The following ADAMTSL1 variants were observed in gnomAD, a reference collection of about 807,000 sequenced individuals.
ADAMTSL1 encodes ADAMTS-like protein 1.
Under a neutral mutation model 201.8 loss-of-function variants are expected in ADAMTSL1, and 126 were observed. The observed-to-expected ratio is 0.62, with a 90% CI of 0.54 to 0.72. The LOEUF (loss-of-function observed/expected upper bound fraction) is 0.72. Among genes scored for constraint, ADAMTSL1 ranks in the 30% least tolerant of loss-of-function variants. The probability of loss-of-function intolerance (pLI) is 0.00; values close to 1 mark genes in which losing one functional copy is unlikely to be tolerated. For missense variants in ADAMTSL1, 2,679 were observed against 2,277.8 expected, an observed-to-expected ratio of 1.18 and a Z score of -3.59; for synonymous variants, 1,121 against 903.4, an observed-to-expected ratio of 1.24 and a Z score of -4.32.
intron 2 of ADAMTSL1, among the ~76,000 whole-genome samples, chr9:18,237,884 A>G (rs1830911021): frequency 6.6e-6 from 1 of 152,236 alleles, no homozygotes; most frequent in South Asian, 2.1e-4. Context: ...GTTTCTCTAA[A>G]AATCATGATT....
intron 1 of ADAMTSL1, among the ~76,000 whole-genome samples, chr9:17,913,006 C>T (rs1385177025): frequency 8.6e-5 from 13 of 152,024 alleles, no homozygotes; most frequent in Admixed American, 1.3e-4. Context: ...AGATATGTGG[C>T]GTTATTTCTG....
intron 15 of ADAMTSL1, among the ~76,000 whole-genome samples, chr9:18,722,338 A>C (rs950988127): frequency 7.9e-5 from 12 of 152,118 alleles, no homozygotes; most frequent in African/African-American, 2.7e-4. Flanking sequence ...AATCTCATCT[A>C]TGGGTTTGGA....
intron 15 of ADAMTSL1, among the ~76,000 whole-genome samples, chr9:18,728,658 G>A (rs1172089611): frequency 6.6e-6 from 1 of 152,216 alleles, no homozygotes. Flanking sequence ...AAGGCTTCCT[G>A]GAGGAGGCAA....
At chr9:18,408,393 C>T (rs1030364961) in intron 2 of ADAMTSL1, among the ~76,000 whole-genome samples, 6 of 152,064 alleles carry the variant, frequency 3.9e-5, no homozygotes, top group African/African-American at 1.4e-4. Flanking sequence ...ATTGCTTGAA[C>T]CCAGGAGACA....
chr9:18,771,682 A>G (rs574521816), intron 17 of ADAMTSL1, among the ~76,000 whole-genome samples: 1 of 136,656 alleles, frequency 7.3e-6, no homozygotes, highest in South Asian at 2.5e-4. Flanking sequence ...AAGCATTTGA[A>G]TTTGCCTTCC....
intron 26 of ADAMTSL1, among the ~76,000 whole-genome samples, chr9:18,897,821 C>T (rs1829743539): frequency 6.6e-6 from 1 of 152,136 alleles, no homozygotes; most frequent in Non-Finnish European, 1.5e-5. Context: ...CAACACTTCT[C>T]CTGCAAGGGC....
At chr9:18,186,289 A>G (rs2132208604) in intron 2 of ADAMTSL1, among the ~76,000 whole-genome samples, 1 of 152,262 alleles carries the variant, frequency 6.6e-6, no homozygotes, top group East Asian at 1.9e-4. Context: ...TTGAGTTCTT[A>G]TTTTTAAAAA....
intron 23 of ADAMTSL1, among the ~76,000 whole-genome samples, chr9:18,835,185 A>C (rs1274375961): frequency 6.6e-6 from 1 of 152,000 alleles, no homozygotes; most frequent in Non-Finnish European, 1.5e-5. Context: ...GTGGTTTCTC[A>C]TTGTGGTTTT....
rs1379723535 is a variant in ADAMTSL1 at position 17,914,394 on chromosome 9, C to G, written c.87+7472C>G. ...ACGTAAATCAATAAATGTGATCCAG[C>G]ATATAAACAGAACCAATGACAAAAA... On this transcript the variant is annotated intron_variant, in intron 1 of 29. Transcript: ENST00000680146. 5.9e-5 allele frequency among the ~76,000 whole-genome samples: 9 copies of G among 152,166 alleles called. 1 individual carries two copies. The highest frequency in any genetic ancestry group is 3.9e-4 in the Admixed American group (6 of 15,288).
chr9:18,024,069 A>G (rs1463190835), intron 1 of ADAMTSL1, among the ~76,000 whole-genome samples: 1 of 151,962 alleles, frequency 6.6e-6, no homozygotes, highest in Middle Eastern at 3.4e-3. Context: ...ATCATTTTGT[A>G]TCTGGTTACA....
chr9:18,493,863 T>G (rs1050550747), intron 1 of ADAMTSL1, among the ~76,000 whole-genome samples: 1 of 152,240 alleles, frequency 6.6e-6, no homozygotes, highest in African/African-American at 2.4e-5. Flanking sequence ...AATCATTCAT[T>G]TAATGAATAT....
intron 2 of ADAMTSL1, among the ~76,000 whole-genome samples, chr9:18,172,649 C>A (rs1827951664): frequency 1.3e-5 from 2 of 151,966 alleles, no homozygotes; most frequent in Non-Finnish European, 2.9e-5. Flanking sequence ...TAGAGAAGCC[C>A]TTACACTTAC....
At chr9:18,440,616 A>T (rs967702770) in intron 2 of ADAMTSL1, among the ~76,000 whole-genome samples, 5 of 150,736 alleles carry the variant, frequency 3.3e-5, no homozygotes, top group African/African-American at 2.4e-5. Flanking sequence ...TATATATATT[A>T]TATATATCTT....
chr9:18,364,334 C>G (rs952092114), intron 2 of ADAMTSL1, among the ~76,000 whole-genome samples: 3 of 152,118 alleles, frequency 2.0e-5, no homozygotes, highest in Non-Finnish European at 4.4e-5. Flanking sequence ...TATAGGATGG[C>G]TATTCTCAAA....
At chr9:18,584,186 G>C (rs973217722) in intron 4 of ADAMTSL1, among the ~76,000 whole-genome samples, 7 of 152,168 alleles carry the variant, frequency 4.6e-5, no homozygotes, top group African/African-American at 1.7e-4. Flanking sequence ...CGTGTTGTGG[G>C]AGGATCCCAT....
chr9:18,130,736 CT>C (rs1246536150), intron 1 of ADAMTSL1, among the ~76,000 whole-genome samples: 4 of 152,068 alleles, frequency 2.6e-5, no homozygotes, highest in Non-Finnish European at 4.4e-5. Flanking sequence ...ACATAGGGAA[CT>C]TTTTTTCTTT....
chr9:18,351,440 CT>C lies in ADAMTSL1; in HGVS notation c.208-153379del, dbSNP rs1292908884. On this transcript the variant is annotated intron_variant, in intron 2 of 29. Coordinates refer to the ADAMTSL1 transcript ENST00000680146. ...ATGAGGAACACATAAATAAAACCCC[CT>C]TTTTTTTTTAATCTTTGGTGTTTAA... 6.4e-3 allele frequency among the ~76,000 whole-genome samples: 963 copies of C among 149,398 alleles called. 9 individuals are homozygous for C. Among genetic ancestry groups the C allele is most frequent in the African/African-American group, 0.022 (875 of 40,668 alleles).
chr9:18,125,630 C>T (rs1262736081), intron 1 of ADAMTSL1, among the ~76,000 whole-genome samples: 1 of 152,172 alleles, frequency 6.6e-6, no homozygotes, highest in Non-Finnish European at 1.5e-5. Flanking sequence ...CAACTTAATT[C>T]TTTTGCATGT....
At chr9:18,653,205 C>G (rs953102600) in intron 7 of ADAMTSL1, among the ~76,000 whole-genome samples, 3 of 152,206 alleles carry the variant, frequency 2.0e-5, no homozygotes, top group Non-Finnish European at 4.4e-5. Context: ...TTCTTTCACT[C>G]TTGAGAGTTG....
Sources: gnomAD v4.1 joint callset for allele counts (sites outside exome capture counted in the v4.1 genomes callset) on GRCh38, gnomAD v4.1.1 for gene constraint, MANE v1.5 for transcripts, NCBI Gene and HGNC (gene_info 2026-07-23, HGNC 2026-07-21) for gene names.